The following HES1 variants were observed in gnomAD, a reference collection of about 807,000 sequenced individuals.
HES1 encodes transcription factor HES-1.
A neutral mutation model predicts 21.0 loss-of-function variants in HES1; 7 were observed. That is an observed-to-expected ratio of 0.33 (90% confidence interval 0.19 to 0.63). The LOEUF is 0.63. Among genes scored for constraint, HES1 ranks in the 20% least tolerant of loss-of-function variants. The probability of loss-of-function intolerance (pLI) is 0.78; values close to 1 mark genes in which losing one functional copy is unlikely to be tolerated. For missense variants in HES1, 338 were observed against 389.8 expected, an observed-to-expected ratio of 0.87 and a Z score of 1.12; for synonymous variants, 169 against 171.2, an observed-to-expected ratio of 0.99 and a Z score of 0.10.
chr3:194,137,428 G>T lies in HES1; in HGVS notation c.293-255G>T. 1 of 572,924 alleles carries T rather than the reference G, an allele frequency of 1.7e-6. No individual in the cohort carries two copies. Among genetic ancestry groups the T allele is most frequent in the Non-Finnish European group, 3.1e-6 (1 of 323,100 alleles). 35.5% of individuals were successfully genotyped at this position (572,924 alleles called of 1,614,324 possible). On this transcript the variant is annotated intron_variant, in intron 3 of 3. Coordinates refer to ENST00000232424, the MANE Select transcript of HES1 (RefSeq NM_005524.4). This position sits in a 1 kb window ranked among gnomAD's most constrained non-coding sequence, Gnocchi z 5.4. Reference sequence around the variant, plus strand: ...CCAAGGTCACATCGCGCGCGGGGGTGGGGGTGACAGATCTGGGGCTGAGAT... The same window carrying T: ...CCAAGGTCACATCGCGCGCGGGGGTTGGGGTGACAGATCTGGGGCTGAGAT...
At position 194,136,997 on chromosome 3, in the gene HES1, C is replaced by T. The variant is rs749953164; in HGVS notation, c.241C>T (p.Leu81=). 4 of 1,614,254 alleles carry T rather than the reference C, an allele frequency of 2.5e-6. No individual in the cohort carries two copies. The highest frequency in any genetic ancestry group is 4.5e-5 in the East Asian group (2 of 44,886). The change falls in exon 3 of 4, where the codon CTG becomes TTG. Residue 81 remains leucine, a synonymous_variant. Transcript: ENST00000232424. ...RHSKLEKADI[L]EMTVKHLRNL... Reference sequence around the variant, plus strand: ...TTCCAAGCTGGAGAAGGCGGACATTCTGGAAATGACAGTGAAGCACCTCCG... The same window carrying T: ...TTCCAAGCTGGAGAAGGCGGACATTTTGGAAATGACAGTGAAGCACCTCCG...
Position 194,136,357 on chromosome 3 carries a change from G to T in HES1, c.-24G>T. 1 of 835,338 alleles carries T rather than the reference G, an allele frequency of 1.2e-6. No homozygotes were observed. The highest frequency in any genetic ancestry group is 1.7e-6 in the Non-Finnish European group (1 of 603,264). The allele number at this position is 835,338 out of a possible 1,614,324, so 51.7% of individuals were successfully genotyped here. Reference sequence around the variant, plus strand: ...AACTCCAAAAATAAAATTCTCTAGAGATAAAAAAAAAAAAAAAAGGAAAAT... The same window carrying T: ...AACTCCAAAAATAAAATTCTCTAGATATAAAAAAAAAAAAAAAAGGAAAAT... On this transcript the variant is annotated 5_prime_UTR_variant, in exon 1 of 4. Transcript: ENST00000232424.
chr3:194,136,170 T>A lies in HES1; in HGVS notation c.-211T>A, dbSNP rs932357608. Reference sequence around the variant, plus strand: ...ATCACACAGGATCCGGAGCTGGTGCTGATAACAGCGGAATCCCCCGTCTAC... The same window carrying A: ...ATCACACAGGATCCGGAGCTGGTGCAGATAACAGCGGAATCCCCCGTCTAC... On this transcript the variant is annotated 5_prime_UTR_variant, in exon 1 of 4. Transcript: ENST00000232424. 1.2e-5 allele frequency: 6 copies of A among 517,174 alleles called. No homozygotes were observed. Among genetic ancestry groups the A allele is most frequent in the Non-Finnish European group, 2.1e-5 (6 of 289,364 alleles). The allele number at this position is 517,174 out of a possible 1,614,324, so 32.0% of individuals were successfully genotyped here.
At position 194,138,261 on chromosome 3, in the gene HES1, A is replaced by G. The variant is rs1051463168; in HGVS notation, c.*28A>G. ...GGGCTCAGGCCACCCCTCCTCCTAA[A>G]CTCCCCAACCCACCTCTCTTCCCTC... On this transcript the variant is annotated 3_prime_UTR_variant, in exon 4 of 4. Coordinates refer to ENST00000232424, the MANE Select transcript of HES1 (RefSeq NM_005524.4). 6.6e-7 allele frequency: 1 copy of G among 1,509,992 alleles called. No homozygotes were observed. Among genetic ancestry groups the G allele is most frequent in the Non-Finnish European group, 8.9e-7 (1 of 1,128,514 alleles). 93.5% of individuals were successfully genotyped at this position (1,509,992 alleles called of 1,614,324 possible).
chr3:194,136,803 G>A, intron 2 of HES1, 91 bp downstream of exon 2: 1 of 1,393,738 alleles, frequency 7.2e-7, no homozygotes, highest in Non-Finnish European at 1.0e-6. Context: ...GCGGGGTCTG[G>A]CACTCGCTGG....
chr3:194,137,107 C>T lies in HES1; in HGVS notation c.292+59C>T, dbSNP rs535241570. The stretch of plus-strand genomic sequence containing the variant: ...CGTCCCGCTCGCCTCGCGGTGATTT[C>T]TTCCAGACTTCCGCCCGTGGTTGTG... On this transcript the variant is annotated intron_variant, in intron 3 of 3. Coordinates refer to ENST00000232424, the MANE Select transcript of HES1 (RefSeq NM_005524.4). This position sits in a 1 kb window ranked among gnomAD's most constrained non-coding sequence, Gnocchi z 5.4. 9 of 1,401,162 alleles carry T rather than the reference C, an allele frequency of 6.4e-6. 1 individual carries two copies. Among genetic ancestry groups the T allele is most frequent in the Middle Eastern group, 1.9e-4 (1 of 5,214 alleles). The allele number at this position is 1,401,162 out of a possible 1,614,324, so 86.8% of individuals were successfully genotyped here.
chr3:194,137,035 G>A lies in HES1; in HGVS notation c.279G>A (p.Arg93=). 1 of 1,614,132 alleles carries A rather than the reference G, an allele frequency of 6.2e-7. No homozygotes were observed. The highest frequency in any genetic ancestry group is 8.5e-7 in the Non-Finnish European group (1 of 1,179,990). The change falls in exon 3 of 4, where the codon CGG becomes CGA. Residue 93 remains arginine (R), a synonymous_variant. Transcript: ENST00000232424. The surrounding 1 kb of genome is among the most constrained non-coding windows in gnomAD (Gnocchi z 5.4). ...MTVKHLRNLQ[R]AQMTAALSTD... Reference sequence around the variant, plus strand: ...TGAAGCACCTCCGGAACCTGCAGCGGGCGCAGATGACGGGTGAGGGCGGCT... The same window carrying A: ...TGAAGCACCTCCGGAACCTGCAGCGAGCGCAGATGACGGGTGAGGGCGGCT...
chr3:194,138,326 G>A lies in HES1; in HGVS notation c.*93G>A, dbSNP rs1213302847. The A allele has an allele frequency of 1.3e-5, 17 of 1,271,216 alleles. No homozygotes were observed. Among genetic ancestry groups the A allele is most frequent in the Non-Finnish European group, 1.8e-5 (17 of 971,322 alleles). The allele number at this position is 1,271,216 out of a possible 1,614,324, so 78.7% of individuals were successfully genotyped here. ...GAACTTGAATACTGGGAGAGAAGAG[G>A]ACTTTTTTGATTAAGTGGTTACTTT... On this transcript the variant is annotated 3_prime_UTR_variant, in exon 4 of 4. Coordinates refer to ENST00000232424, the MANE Select transcript of HES1 (RefSeq NM_005524.4).
chr3:194,136,796 G>C (rs575732734), intron 2 of HES1, 84 bp downstream of exon 2: 1 of 1,438,570 alleles, frequency 7.0e-7, no homozygotes, highest in South Asian at 1.1e-5. Flanking sequence ...CCGCCCTGCG[G>C]GGTCTGGCAC....
rs1715386398 is a variant in HES1, at chr3:194,137,905, G to C, written c.515G>C (p.Gly172Ala). ...ALQAPPPPPP[G>A]PGGPQHAPFA... ...CAGGCGCCGCCACCGCCCCCACCGG[G>C]ACCCGGCGGCCCCCAGCACGCGCCG... is the stretch of plus-strand genomic sequence containing the variant. The change falls in exon 4 of 4, where the codon GGA (glycine) becomes GCA (alanine). Residue 172 changes from glycine to alanine, a missense_variant. By Grantham distance (60) the Gly-to-Ala change is moderately conservative. Coordinates refer to ENST00000232424, the MANE Select transcript of HES1 (RefSeq NM_005524.4). This position sits in a 1 kb window ranked among gnomAD's most constrained non-coding sequence, Gnocchi z 5.4. 1.9e-5 allele frequency: 28 copies of C among 1,454,162 alleles called. No individual in the cohort carries two copies. Among genetic ancestry groups the C allele is most frequent in the Non-Finnish European group, 2.5e-5 (27 of 1,095,188 alleles). The allele number at this position is 1,454,162 out of a possible 1,614,324, so 90.1% of individuals were successfully genotyped here.
In HES1 at chr3:194,136,609, A is replaced by T. The variant is rs752802101; in HGVS notation, c.109-8A>T. The T allele has an allele frequency of 3.1e-6, 5 of 1,599,024 alleles. No homozygotes were observed. The Admixed American group carries it at 8.8e-5, about 28-fold the overall frequency. ...ATGGGAACACAGAACTCTTTTTTTT[A>T]TTTGCAGTCATCAAAGCCTATTATG... is the stretch of plus-strand genomic sequence containing the variant. On this transcript the variant is annotated splice_polypyrimidine_tract_variant and splice_region_variant and intron_variant, in intron 1 of 3. Transcript: ENST00000232424.
chr3:194,136,294 G>T lies in HES1; in HGVS notation c.-87G>T. ...CTCAGTAGTTTTGTGAAAGTCTCAA[G>T]TAAAAGAGACACAAACAAAAAATTC... On this transcript the variant is annotated 5_prime_UTR_variant, in exon 1 of 4. Coordinates refer to ENST00000232424, the MANE Select transcript of HES1 (RefSeq NM_005524.4). 1 of 786,304 alleles carries T rather than the reference G, an allele frequency of 1.3e-6. No homozygotes were observed. The highest frequency in any genetic ancestry group is 2.0e-6 in the Non-Finnish European group (1 of 493,102). The allele number at this position is 786,304 out of a possible 1,614,324, so 48.7% of individuals were successfully genotyped here.
In HES1 at chr3:194,137,917, C is replaced by T; in HGVS notation, c.527C>T (p.Pro176Leu). 5 of 1,376,976 alleles carry T rather than the reference C, an allele frequency of 3.6e-6. No individual in the cohort carries two copies. The highest frequency in any genetic ancestry group is 4.7e-6 in the Non-Finnish European group (5 of 1,063,182). 85.3% of individuals were successfully genotyped at this position (1,376,976 alleles called of 1,614,324 possible). A position where few individuals can be genotyped will look rare whatever the true frequency, so the allele number is the denominator to read the frequency against. ...CCGCCCCCACCGGGACCCGGCGGCCCCCAGCACGCGCCGTTCGCGCCGCCG... is the reference window on the plus strand; with the variant it reads ...CCGCCCCCACCGGGACCCGGCGGCCTCCAGCACGCGCCGTTCGCGCCGCCG... ...PPPPPPGPGG[P>L]QHAPFAPPPP... Residue 176 changes from proline (P) to leucine (L), a missense_variant, in exon 4 of 4, where the codon CCC becomes CTC. Transcript: ENST00000232424. This position sits in a 1 kb window ranked among gnomAD's most constrained non-coding sequence, Gnocchi z 5.4.
At chr3:194,136,889 G>A (rs1715356866) in intron 2 of HES1, 72 bp from the exon 3 acceptor site, 12 of 1,489,156 alleles carry the variant, frequency 8.1e-6, no homozygotes, top group Non-Finnish European at 1.1e-5. Context: ...TCCGTGGCCG[G>A]GAGGAGGGAC....
Position 194,137,078 on chromosome 3 carries a change from C to G in HES1, c.292+30C>G. The G allele has an allele frequency of 1.9e-6, 3 of 1,577,770 alleles. No homozygotes were observed. The highest frequency in any genetic ancestry group is 2.6e-6 in the Non-Finnish European group (3 of 1,147,238). ...GGGCGGCTCGCCGCGTCCCCCTGTG[C>G]GGGCGTCCCGCTCGCCTCGCGGTGA... On this transcript the variant is annotated intron_variant, in intron 3 of 3. Coordinates refer to ENST00000232424, the MANE Select transcript of HES1 (RefSeq NM_005524.4). This position sits in a 1 kb window ranked among gnomAD's most constrained non-coding sequence, Gnocchi z 5.4.
chr3:194,137,954 GC>G lies in HES1; in HGVS notation c.567del (p.Ile190SerfsTer126). 7.4e-7 allele frequency: 1 copy of G among 1,346,332 alleles called. No homozygotes were observed. The highest frequency in any genetic ancestry group is 9.6e-7 in the Non-Finnish European group (1 of 1,047,018). 83.4% of individuals were successfully genotyped at this position (1,346,332 alleles called of 1,614,324 possible). The stretch of plus-strand genomic sequence containing the variant: ...CGTTCGCGCCGCCGCCGCCACTCGT[GC>G]CCATCCCCGGGGGCGCGGCGCCCCC... ...APFAPPPPLV[P>X]IPGGAAPPPG... On this transcript the variant is annotated frameshift_variant, in exon 4 of 4. Coordinates refer to ENST00000232424, the MANE Select transcript of HES1 (RefSeq NM_005524.4). LOFTEE classifies it high-confidence loss of function. The surrounding 1 kb of genome is among the most constrained non-coding windows in gnomAD (Gnocchi z 5.4).
Position 194,138,147 on chromosome 3 carries a change from G to C in HES1, c.757G>C (p.Gly253Arg), listed in dbSNP as rs1225424818. The C allele has an allele frequency of 6.2e-7, 1 of 1,612,496 alleles. No individual in the cohort carries two copies. Reference sequence around the variant, plus strand: ...CATCCCCGTCTACACCAGCAACAGCGGCACCTCCGTGGGCCCCAACGCAGT... The same window carrying C: ...CATCCCCGTCTACACCAGCAACAGCCGCACCTCCGTGGGCCCCAACGCAGT... ...PVIPVYTSNS[G>R]TSVGPNAVSP... Residue 253 changes from glycine to arginine, a missense_variant, in exon 4 of 4, where the codon GGC becomes CGC. Coordinates refer to ENST00000232424, the MANE Select transcript of HES1 (RefSeq NM_005524.4).
At chr3:194,136,538 G>T in intron 1 of HES1, 50 bp downstream of exon 1, 1 of 1,556,522 alleles carries the variant, frequency 6.4e-7, no homozygotes, top group South Asian at 1.2e-5. Flanking sequence ...TTAAGTAGGG[G>T]TTGGGGGGCT....
In HES1 at chr3:194,138,557, C is replaced by T. The variant is rs945165722; in HGVS notation, c.*324C>T. The T allele has an allele frequency of 8.1e-6, 2 of 248,268 alleles. No individual in the cohort carries two copies. Among genetic ancestry groups the T allele is most frequent in the South Asian group, 1.8e-4 (1 of 5,702 alleles). The allele number at this position is 248,268 out of a possible 1,614,324, so 15.4% of individuals were successfully genotyped here. A position where few individuals can be genotyped will look rare whatever the true frequency, so the allele number is the denominator to read the frequency against. ...TTTGAAAATGCTCTTAAAATATCTT[C>T]CTTTGGGGAAGTTTATTTGAGAAAA... On this transcript the variant is annotated 3_prime_UTR_variant, in exon 4 of 4. Transcript: ENST00000232424.
Sources: allele counts gnomAD v4.1 joint callset, GRCh38; gene constraint gnomAD v4.1.1; non-coding constraint Gnocchi (gnomAD v3.1); transcripts MANE v1.5; gene names NCBI Gene and HGNC (gene_info 2026-07-23, HGNC 2026-07-21).